RBFOX1: variants seen among roughly 807,000 people sequenced by gnomAD.
RBFOX1 encodes RNA binding fox-1 homolog 1.
RBFOX1 carries 8 observed loss-of-function variants against 57.7 expected under a neutral mutation model. The observed-to-expected ratio is 0.14, with a 90% CI of 0.08 to 0.25. RBFOX1 has a LOEUF of 0.25. Among genes scored for constraint, RBFOX1 ranks in the 10% least tolerant of loss-of-function variants. RBFOX1 has a pLI of 1.00. For synonymous variants in RBFOX1, 326 were observed against 222.4 expected (o/e 1.47, Z -4.15); for missense variants, 611 against 548.5 (o/e 1.11, Z -1.14).
At chr16:7,059,667 T>C (rs998111467) in intron 4 of RBFOX1, among the ~76,000 whole-genome samples, 2 of 152,160 alleles carry the variant, frequency 1.3e-5, no homozygotes, top group African/African-American at 4.8e-5. Flanking sequence ...GATTAATACA[T>C]ACTGTCCCAT....
At position 7,365,869 on chromosome 16, in the gene RBFOX1, A is replaced by C. The variant is rs528902911; in HGVS notation, c.28-152278A>C. 5.9e-5 allele frequency among the ~76,000 whole-genome samples: 9 copies of C among 152,312 alleles called. No homozygotes were observed. The South Asian group carries it at 1.9e-3, about 32-fold the overall frequency. On this transcript the variant is annotated intron_variant, in intron 4 of 15. Transcript: ENST00000550418. ...TAGCTGGGACCCAGGGAAAATATTA[A>C]TACCCTAAGACTCTCCTTCTTTGTC...
intron 3 of RBFOX1, among the ~76,000 whole-genome samples, chr16:6,756,834 G>T (rs1172191897): frequency 6.6e-6 from 1 of 152,120 alleles, no homozygotes; most frequent in East Asian, 1.9e-4. Flanking sequence ...AATTAGCCAG[G>T]CGTGGTGGCA....
In RBFOX1 at chr16:6,089,481, C is replaced by G. The variant is rs1045184169; in HGVS notation, c.-127+69489C>G. Reference sequence around the variant, plus strand: ...GGAGAAGAAACTGAGGTTGTAGAAGCTGGTAGGGACTGCATGCTGAAAGGC... The same window carrying G: ...GGAGAAGAAACTGAGGTTGTAGAAGGTGGTAGGGACTGCATGCTGAAAGGC... On this transcript the variant is annotated intron_variant, in intron 1 of 15. Transcript: ENST00000550418. Among the ~76,000 whole-genome samples, 11 of 152,304 alleles carry G rather than the reference C, an allele frequency of 7.2e-5. No homozygotes were observed. In the East Asian group the frequency reaches 2.1e-3, roughly 29 times the overall value.
At chr16:5,399,112 A>G (rs984627156) in intron 1 of RBFOX1, among the ~76,000 whole-genome samples, 2 of 152,196 alleles carry the variant, frequency 1.3e-5, no homozygotes, top group Non-Finnish European at 2.9e-5. Context: ...CTATTCTCAG[A>G]GGACTAATAG....
chr16:6,381,929 G>A (rs1206940083), intron 2 of RBFOX1, among the ~76,000 whole-genome samples: 1 of 152,180 alleles, frequency 6.6e-6, no homozygotes, highest in Non-Finnish European at 1.5e-5. Context: ...GACCATGTCC[G>A]GCTGGTCGAT....
At chr16:5,685,740 G>C (rs1027910411) in intron 3 of RBFOX1, among the ~76,000 whole-genome samples, 1 of 152,204 alleles carries the variant, frequency 6.6e-6, no homozygotes, top group Non-Finnish European at 1.5e-5. Flanking sequence ...TCCTTCATGG[G>C]CTGACAGGAT....
chr16:5,672,733 G>C (rs780961572), intron 3 of RBFOX1, among the ~76,000 whole-genome samples: 12 of 152,076 alleles, frequency 7.9e-5, no homozygotes. Flanking sequence ...AAACTTTAGC[G>C]GTTGTTGGTT....
chr16:6,376,579 C>T (rs771522619), intron 2 of RBFOX1, among the ~76,000 whole-genome samples: 5 of 152,256 alleles, frequency 3.3e-5, no homozygotes, highest in South Asian at 2.1e-4. Flanking sequence ...TGTCTGTTCA[C>T]GTCACCTGTC....
chr16:6,830,702 A>C (rs758137855), intron 3 of RBFOX1, among the ~76,000 whole-genome samples: 5 of 152,190 alleles, frequency 3.3e-5, no homozygotes, highest in Non-Finnish European at 5.9e-5. Context: ...TGGTTAAGAA[A>C]CGTTGCTCTA....
At chr16:5,364,338 C>G (rs1401180662) in intron 1 of RBFOX1, among the ~76,000 whole-genome samples, 3 of 152,172 alleles carry the variant, frequency 2.0e-5, no homozygotes, top group Admixed American at 6.5e-5. Context: ...CCTTCTCTCT[C>G]TTGATGACTT....
At chr16:7,244,953 G>T (rs1250388828) in intron 4 of RBFOX1, among the ~76,000 whole-genome samples, 1 of 152,190 alleles carries the variant, frequency 6.6e-6, no homozygotes, top group Non-Finnish European at 1.5e-5. Context: ...AGGGAGCAGT[G>T]GGGATTGTGG....
intron 3 of RBFOX1, among the ~76,000 whole-genome samples, chr16:6,925,486 C>T (rs1380147057): frequency 8.1e-6 from 1 of 123,016 alleles, no homozygotes; most frequent in Non-Finnish European, 1.7e-5. Flanking sequence ...ATTTATTGTC[C>T]TATCCACCCT....
intron 3 of RBFOX1, among the ~76,000 whole-genome samples, chr16:6,700,138 C>G (rs996937724): frequency 6.6e-6 from 1 of 152,012 alleles, no homozygotes; most frequent in African/African-American, 2.4e-5. Flanking sequence ...AGGCATTCCC[C>G]TAAGGTGATG....
chr16:5,919,864 C>A (rs12445565), intron 4 of RBFOX1, among the ~76,000 whole-genome samples: 9,883 of 152,238 alleles, frequency 0.065, 444 homozygotes, highest in African/African-American at 0.11. Flanking sequence ...GTCCTATAGC[C>A]TGTGACCCTT....
intron 2 of RBFOX1, among the ~76,000 whole-genome samples, chr16:6,559,182 T>C (rs1012940672): frequency 1.3e-5 from 2 of 151,908 alleles, no homozygotes; most frequent in Admixed American, 6.6e-5. Context: ...CATATATATA[T>C]ACACAAACAC....
chr16:7,509,650 A>G (rs2074452161), intron 4 of RBFOX1, among the ~76,000 whole-genome samples: 1 of 152,118 alleles, frequency 6.6e-6, no homozygotes, highest in Non-Finnish European at 1.5e-5. Flanking sequence ...TTTAAGATCG[A>G]TTTGCAGTTA....
At chr16:6,368,466 C>G (rs2089982073) in intron 2 of RBFOX1, among the ~76,000 whole-genome samples, 1 of 152,184 alleles carries the variant, frequency 6.6e-6, no homozygotes, top group East Asian at 1.9e-4. Flanking sequence ...CGTGCTGGTT[C>G]CTAATGTAGA....
At chr16:6,885,429 G>A (rs1014544304) in intron 3 of RBFOX1, among the ~76,000 whole-genome samples, 5 of 152,188 alleles carry the variant, frequency 3.3e-5, no homozygotes, top group Admixed American at 3.3e-4. Context: ...AATAACAGCT[G>A]AGTTCTATAG....
chr16:6,103,059 A>T (rs191430324), intron 1 of RBFOX1, among the ~76,000 whole-genome samples: 7 of 152,202 alleles, frequency 4.6e-5, no homozygotes, highest in African/African-American at 1.7e-4. Flanking sequence ...GATTTAAAAT[A>T]TAGATCGAAG....
Sources: gnomAD v4.1 joint callset for allele counts (sites outside exome capture counted in the v4.1 genomes callset) on GRCh38, gnomAD v4.1.1 for gene constraint, MANE v1.5 for transcripts, NCBI Gene and HGNC (gene_info 2026-07-23, HGNC 2026-07-21) for gene names.